The following FAM151B variants were observed in gnomAD, a reference collection of about 807,000 sequenced individuals.
FAM151B encodes the protein family with sequence similarity 151 member B.
FAM151B carries 24 observed loss-of-function variants against 31.2 expected under a neutral mutation model. The ratio of observed to expected loss-of-function variants is 0.77; its 90% CI spans 0.56 to 1.08. The LOEUF is 1.08. Ranked by LOEUF, FAM151B falls within the 50% of genes least tolerant of loss-of-function variation. FAM151B has a pLI of 0.00. For missense variants in FAM151B, 293 were observed against 328.6 expected, an observed-to-expected ratio of 0.89 and a Z score of 0.84; for synonymous variants, 105 against 111.4, an observed-to-expected ratio of 0.94 and a Z score of 0.36.
chr5:80,533,414 G>A (rs1745337994), intron 5 of FAM151B, among the ~76,000 whole-genome samples: 1 of 150,304 alleles, frequency 6.7e-6, no homozygotes, highest in Admixed American at 6.7e-5. Context: ...AACTAGAAAA[G>A]CAAGAGCAAA....
At chr5:80,538,372 TTTTCTTTCTTTCTTTCTTTCTTTC>T (rs1315996184) in intron 5 of FAM151B, among the ~76,000 whole-genome samples, 23 of 111,632 alleles carry the variant, frequency 2.1e-4, no homozygotes, top group South Asian at 5.8e-4. Context: ...CAGCCTTTCT[TTTTCTTTCTTTCTTTCTTTCTTTC>T]TTTCTTTCTT....
intron 2 of FAM151B, among the ~76,000 whole-genome samples, chr5:80,509,639 A>G (rs962988767): frequency 2.0e-5 from 3 of 152,192 alleles, no homozygotes; most frequent in Non-Finnish European, 4.4e-5. Flanking sequence ...GCTGGAGAGG[A>G]CAGGAATAAG....
intron 2 of FAM151B, among the ~76,000 whole-genome samples, chr5:80,505,406 C>T (rs248996): frequency 0.3 from 36,549 of 123,122 alleles, 4,741 homozygotes; most frequent in East Asian, 0.41. Flanking sequence ...TTTTTTTTTT[C>T]TTTTTTGAGA....
rs144031733 is a variant in FAM151B, at chr5:80,513,807, G to A, written c.317+38G>A. The stretch of plus-strand genomic sequence containing the variant: ...ACACGTTCAATTTTCTGGGAAAAAA[G>A]TAATAGCTGTGCCTGACTACCTATT... On this transcript the variant is annotated intron_variant, in intron 3 of 5. Transcript: ENST00000282226. The A allele has an allele frequency of 1.3e-3, 1,977 of 1,561,588 alleles. 19 individuals are homozygous for A. The African/African-American group carries it at 0.021, about 17-fold the overall frequency.
chr5:80,488,419 G>T (rs1361232247), intron 1 of FAM151B, among the ~76,000 whole-genome samples: 1 of 152,262 alleles, frequency 6.6e-6, no homozygotes, highest in Non-Finnish European at 1.5e-5. Context: ...TGAGGTCTGG[G>T]TTGGAAAGAA....
At chr5:80,515,252 T>A (rs895395467) in intron 3 of FAM151B, among the ~76,000 whole-genome samples, 5 of 125,638 alleles carry the variant, frequency 4.0e-5, no homozygotes, top group Non-Finnish European at 6.6e-5. Context: ...AAAAAATAAA[T>A]AAATAAATAA....
rs945263029 is a variant in FAM151B, at chr5:80,541,614, G to A, written c.672-59G>A. 5.8e-5 allele frequency: 89 copies of A among 1,525,888 alleles called. No homozygotes were observed. In the Middle Eastern group the frequency reaches 1.2e-3, roughly 20 times the overall value. 94.5% of individuals were successfully genotyped at this position (1,525,888 alleles called of 1,614,324 possible). On this transcript the variant is annotated intron_variant, in intron 5 of 5. Transcript: ENST00000282226. ...AATGAAAGCATTTTTAGGCTTATTG[G>A]AATGACTCATCGCTTTCTTCCACTT... is the stretch of plus-strand genomic sequence containing the variant.
At position 80,521,997 on chromosome 5, in the gene FAM151B, T is replaced by G; in HGVS notation, c.536-6T>G. On this transcript the variant is annotated splice_polypyrimidine_tract_variant and splice_region_variant and intron_variant, in intron 4 of 5. Coordinates refer to ENST00000282226, the MANE Select transcript of FAM151B (RefSeq NM_205548.3). ...ATAAAGTTAAATTTTTTTCTTTTCT[T>G]TTAAGGGTACAGTTGGACAATGGTG... 7 of 1,541,150 alleles carry G rather than the reference T, an allele frequency of 4.5e-6. No homozygotes were observed. Among genetic ancestry groups the G allele is most frequent in the Non-Finnish European group, 6.2e-6 (7 of 1,133,184 alleles).
chr5:80,513,006 G>A (rs1462509601), intron 2 of FAM151B, among the ~76,000 whole-genome samples: 1 of 152,104 alleles, frequency 6.6e-6, no homozygotes, highest in Non-Finnish European at 1.5e-5. Flanking sequence ...TGAAGAGGCA[G>A]GGAAGAGGAT....
chr5:80,532,737 A>T (rs1313990180), intron 5 of FAM151B, among the ~76,000 whole-genome samples: 2 of 152,232 alleles, frequency 1.3e-5, no homozygotes, highest in African/African-American at 4.8e-5. Context: ...TCCAGGGTAG[A>T]CCATATATTA....
intron 5 of FAM151B, among the ~76,000 whole-genome samples, chr5:80,535,671 T>C (rs1182732034): frequency 6.6e-6 from 1 of 152,156 alleles, no homozygotes; most frequent in East Asian, 1.9e-4. Context: ...TTGAAGACAT[T>C]GGTCTTGGCA....
intron 5 of FAM151B, among the ~76,000 whole-genome samples, chr5:80,523,109 G>A (rs1744793520): frequency 6.6e-6 from 1 of 152,094 alleles, no homozygotes; most frequent in Admixed American, 6.6e-5. Context: ...ACATCAAACA[G>A]TAAATGCATA....
At chr5:80,495,691 G>A (rs1021867351) in intron 1 of FAM151B, among the ~76,000 whole-genome samples, 62 of 152,136 alleles carry the variant, frequency 4.1e-4, no homozygotes, top group African/African-American at 1.3e-3. Context: ...TTAGCCGGGC[G>A]TGGTGGCGGA....
At chr5:80,529,743 T>G (rs1053907455) in intron 5 of FAM151B, among the ~76,000 whole-genome samples, 2 of 152,164 alleles carry the variant, frequency 1.3e-5, no homozygotes, top group African/African-American at 4.8e-5. Context: ...GAGGGAATAA[T>G]TAATAGCCCA....
At chr5:80,510,200 C>T (rs146696447) in intron 2 of FAM151B, among the ~76,000 whole-genome samples, 127 of 152,204 alleles carry the variant, frequency 8.3e-4, no homozygotes, top group Middle Eastern at 6.8e-3. Flanking sequence ...GCATGTAGTA[C>T]GGGCTTAGGA....
At chr5:80,505,242 C>T (rs931062259) in intron 2 of FAM151B, among the ~76,000 whole-genome samples, 1 of 152,088 alleles carries the variant, frequency 6.6e-6, no homozygotes, top group Non-Finnish European at 1.5e-5. Flanking sequence ...TGCAAGCAGT[C>T]CTCCTGCCTC....
chr5:80,493,168 G>A (rs1170867413), intron 1 of FAM151B, among the ~76,000 whole-genome samples: 4 of 152,148 alleles, frequency 2.6e-5, no homozygotes, highest in Admixed American at 6.5e-5. Flanking sequence ...GGGAAGTCAG[G>A]GACCCCGAAT....
chr5:80,520,890 C>T lies in FAM151B; in HGVS notation c.535+980C>T, dbSNP rs528906887. On this transcript the variant is annotated intron_variant, in intron 4 of 5. Transcript: ENST00000282226. ...GTGGTGTGATCTCAGCTTACTGCAA[C>T]CTCCACCTCCCAGGTTCCCAGGTTC... 2.7e-5 allele frequency among the ~76,000 whole-genome samples: 4 copies of T among 147,842 alleles called. No homozygotes were observed. The South Asian group carries it at 8.7e-4, about 32-fold the overall frequency.
At chr5:80,521,947 T>C in intron 4 of FAM151B, 56 bp from the exon 5 acceptor site, 1 of 1,329,196 alleles carries the variant, frequency 7.5e-7, no homozygotes, top group Non-Finnish European at 1.0e-6. Context: ...GTCTTTTATT[T>C]AATTGTCTTT....
Sources: gnomAD v4.1 joint callset for allele counts (sites outside exome capture counted in the v4.1 genomes callset) on GRCh38, gnomAD v4.1.1 for gene constraint, MANE v1.5 for transcripts, NCBI Gene and HGNC (gene_info 2026-07-23, HGNC 2026-07-21) for gene names.